The following EYA4 variants were observed in gnomAD, a reference collection of about 807,000 sequenced individuals.
EYA4 encodes the protein protein phosphatase EYA4.
In EYA4, 31 loss-of-function variants were observed where a neutral mutation model predicts 87.9. The ratio of observed to expected loss-of-function variants is 0.35; its 90% CI spans 0.27 to 0.48. The LOEUF (loss-of-function observed/expected upper bound fraction) is 0.48. Among genes scored for constraint, EYA4 ranks in the 20% least tolerant of loss-of-function variants. EYA4 has a pLI of 0.99. For missense variants in EYA4, 678 were observed against 761.4 expected, an observed-to-expected ratio of 0.89 and a Z score of 1.29; for synonymous variants, 263 against 270.6, an observed-to-expected ratio of 0.97 and a Z score of 0.28.
intron 2 of EYA4, among the ~76,000 whole-genome samples, chr6:133,362,089 C>T (rs140379822): frequency 5.3e-4 from 81 of 152,196 alleles, no homozygotes; most frequent in African/African-American, 1.9e-3. Context: ...TGGGTGGTTC[C>T]CTTAGAAGAT....
intron 13 of EYA4, among the ~76,000 whole-genome samples, chr6:133,497,161 T>G (rs533781831): frequency 2.0e-4 from 31 of 152,258 alleles, no homozygotes; most frequent in African/African-American, 6.3e-4. Flanking sequence ...ACATAGCTCA[T>G]AAGTGGCAAG....
intron 1 of EYA4, among the ~76,000 whole-genome samples, 165 bp downstream of exon 1, chr6:133,241,914 G>A (rs540256810): frequency 6.6e-6 from 1 of 152,306 alleles, no homozygotes; most frequent in African/African-American, 2.4e-5. Context: ...TGCGTCCCCG[G>A]GGGGCGCTTG....
At chr6:133,321,246 G>T (rs1781069208) in intron 2 of EYA4, among the ~76,000 whole-genome samples, 1 of 151,900 alleles carries the variant, frequency 6.6e-6, no homozygotes, top group East Asian at 1.9e-4. Flanking sequence ...AGCTTTATTT[G>T]TCCTGAATCC....
chr6:133,304,124 A>G (rs1041572046), intron 2 of EYA4, among the ~76,000 whole-genome samples: 1 of 152,160 alleles, frequency 6.6e-6, no homozygotes, highest in East Asian at 1.9e-4. Flanking sequence ...AATTTCCTTC[A>G]TATACCTTAA....
rs564582137 is a variant in EYA4, at chr6:133,356,630, C to G, written c.34-25762C>G. ...ATGCGAGCCATTATTATGAAGCAAGCCTTATAATAAGATATAAGGACCAAA... is the reference window on the plus strand; with the variant it reads ...ATGCGAGCCATTATTATGAAGCAAGGCTTATAATAAGATATAAGGACCAAA... On this transcript the variant is annotated intron_variant, in intron 2 of 19. Coordinates refer to ENST00000355286, the MANE Select transcript of EYA4 (RefSeq NM_004100.5). Among the ~76,000 whole-genome samples the G allele has an allele frequency of 2.6e-5, 4 of 151,794 alleles. No individual in the cohort carries two copies. In the South Asian group the frequency reaches 8.4e-4, roughly 32 times the overall value.
chr6:133,321,289 A>G (rs1781072659), intron 2 of EYA4, among the ~76,000 whole-genome samples: 2 of 152,170 alleles, frequency 1.3e-5, no homozygotes, highest in Admixed American at 1.3e-4. Flanking sequence ...GATGTCAAGA[A>G]TTCTAACTTT....
intron 2 of EYA4, among the ~76,000 whole-genome samples, chr6:133,299,652 T>C (rs900898501): frequency 1.3e-5 from 2 of 150,948 alleles, no homozygotes; most frequent in African/African-American, 4.9e-5. Context: ...GCGGAGCTTG[T>C]AGTGATCCGA....
chr6:133,398,654 G>T (rs1788003589), intron 3 of EYA4, among the ~76,000 whole-genome samples: 1 of 152,070 alleles, frequency 6.6e-6, no homozygotes, highest in African/African-American at 2.4e-5. Flanking sequence ...TGCATGCTAT[G>T]GAAGGCTTGC....
chr6:133,316,830 C>T (rs1780663077), intron 2 of EYA4, among the ~76,000 whole-genome samples: 1 of 152,138 alleles, frequency 6.6e-6, no homozygotes, highest in Non-Finnish European at 1.5e-5. Context: ...TCACCACTTC[C>T]TAACTGCCTT....
rs1298954992 is a variant in EYA4 at position 133,385,386 on chromosome 6, T to G, written c.83+2945T>G. ...CTCTCCTCTGTGTGTGTATGTATGCTCTCTCTGTGTGTGTGTGTGTGTGTG... is the reference window on the plus strand; with the variant it reads ...CTCTCCTCTGTGTGTGTATGTATGCGCTCTCTGTGTGTGTGTGTGTGTGTG... On this transcript the variant is annotated intron_variant, in intron 3 of 19. Transcript: ENST00000355286. 2.7e-4 allele frequency among the ~76,000 whole-genome samples: 12 copies of G among 44,832 alleles called. 1 individual carries two copies. The highest frequency in any genetic ancestry group is 9.3e-3 in the Middle Eastern group (1 of 108). 29.4% of individuals were successfully genotyped at this position (44,832 alleles called of 152,430 possible).
intron 3 of EYA4, among the ~76,000 whole-genome samples, chr6:133,404,891 G>C (rs1345661327): frequency 6.6e-6 from 1 of 152,184 alleles, no homozygotes; most frequent in Admixed American, 6.5e-5. Context: ...CTAATTCCCT[G>C]TTCACTTGAT....
chr6:133,268,784 G>A (rs1776441089), intron 1 of EYA4, among the ~76,000 whole-genome samples: 1 of 152,224 alleles, frequency 6.6e-6, no homozygotes, highest in Non-Finnish European at 1.5e-5. Context: ...TTGAGGGGAG[G>A]AACCAGTGCA....
chr6:133,468,647 T>C lies in EYA4; in HGVS notation c.886T>C (p.Ser296Pro). Residue 296 changes from serine to proline, a missense_variant, in exon 11 of 20, where the codon TCG becomes CCG. Transcript: ENST00000355286. ...SASTYGAYMT[S>P]NNTADGTPSS... is the part of the protein sequence containing the mutation. Reference sequence around the variant, plus strand: ...ATCAACGTATGGAGCGTATATGACATCGAATAACACAGCCGATGGCACACC... The same window carrying C: ...ATCAACGTATGGAGCGTATATGACACCGAATAACACAGCCGATGGCACACC... 2.5e-6 allele frequency: 4 copies of C among 1,612,952 alleles called. No homozygotes were observed. The highest frequency in any genetic ancestry group is 3.4e-6 in the Non-Finnish European group (4 of 1,179,182).
chr6:133,349,750 A>G (rs1168341109), intron 2 of EYA4, among the ~76,000 whole-genome samples: 1 of 152,150 alleles, frequency 6.6e-6, no homozygotes, highest in Admixed American at 6.5e-5. Context: ...ATAGGCAAAC[A>G]GTGCCTTGCC....
chr6:133,290,904 G>A (rs541334637), intron 2 of EYA4, among the ~76,000 whole-genome samples: 64 of 152,182 alleles, frequency 4.2e-4, no homozygotes, highest in African/African-American at 1.3e-3. Context: ...ATCAGCCCCA[G>A]CCTCCCTGAA....
At chr6:133,286,300 A>G in intron 2 of EYA4, among the ~76,000 whole-genome samples, 1 of 152,226 alleles carries the variant, frequency 6.6e-6, no homozygotes, top group East Asian at 1.9e-4. Flanking sequence ...TCTTAGGCAT[A>G]TGCATCAGAT....
rs183393868 is a variant in EYA4, at chr6:133,459,586, G to T, written c.371-1528G>T. ...TCAAGCGTCATTTAACTATATTTCT[G>T]TTAGAGTATTTGGTATTGTTAATCG... On this transcript the variant is annotated intron_variant, in intron 6 of 19. Transcript: ENST00000355286. Among the ~76,000 whole-genome samples, 847 of 152,190 alleles carry T rather than the reference G, an allele frequency of 5.6e-3. 10 individuals carry two copies. Among genetic ancestry groups the T allele is most frequent in the African/African-American group, 0.02 (811 of 41,562 alleles).
At chr6:133,513,416 G>A (rs983295154) in intron 16 of EYA4, among the ~76,000 whole-genome samples, 4 of 152,102 alleles carry the variant, frequency 2.6e-5, no homozygotes, top group Admixed American at 6.6e-5. Context: ...ATTGAAGGAC[G>A]GTGGTTAGCA....
chr6:133,483,120 G>A lies in EYA4; in HGVS notation c.1191+5G>A, dbSNP rs779740631. The A allele has an allele frequency of 6.3e-7, 1 of 1,595,110 alleles. No individual in the cohort carries two copies. Among genetic ancestry groups the A allele is most frequent in the South Asian group, 1.1e-5 (1 of 90,532 alleles). On this transcript the variant is annotated splice_donor_5th_base_variant and intron_variant, in intron 13 of 19. Coordinates refer to ENST00000355286, the MANE Select transcript of EYA4 (RefSeq NM_004100.5). ...TATGCACAGAAGTATGGCAAGGTAA[G>A]AAATCAAGAAATGTTACTCCAAGAA...
Sources: allele counts gnomAD v4.1 joint callset (sites outside exome capture counted in the v4.1 genomes callset), GRCh38; gene constraint gnomAD v4.1.1; transcripts MANE v1.5; gene names NCBI Gene and HGNC (gene_info 2026-07-23, HGNC 2026-07-21).